The following SAMD4B variants were observed in gnomAD, a reference collection of about 807,000 sequenced individuals.
The protein encoded by SAMD4B is sterile alpha motif domain containing 4B, also known as protein Smaug homolog 2.
A neutral mutation model predicts 74.5 loss-of-function variants in SAMD4B; 5 were observed. That is an observed-to-expected ratio of 0.07 (90% CI 0.04 to 0.14). SAMD4B has a LOEUF of 0.14. Ranked by LOEUF, SAMD4B falls within the 10% of genes least tolerant of loss-of-function variation. The pLI is 1.00. For missense variants in SAMD4B, 608 were observed against 921.8 expected (o/e 0.66, Z 4.41); for synonymous variants, 373 against 374.9 (o/e 1.00, Z 0.06).
chr19:39,372,502 T>C (rs1224041409), intron 4 of SAMD4B, among the ~76,000 whole-genome samples: 1 of 152,168 alleles, frequency 6.6e-6, no homozygotes, highest in Non-Finnish European at 1.5e-5. Flanking sequence ...CAGGAAATCA[T>C]TAAAATATTT....
chr19:39,361,224 C>T (rs1002945506), intron 3 of SAMD4B, among the ~76,000 whole-genome samples: 3 of 152,082 alleles, frequency 2.0e-5, no homozygotes, highest in African/African-American at 7.2e-5. Context: ...CGGGATGGAC[C>T]AGTTAGAAAA....
chr19:39,382,131 C>CAGTCAGGA (rs1228760123), intron 12 of SAMD4B, among the ~76,000 whole-genome samples: 1 of 152,210 alleles, frequency 6.6e-6, no homozygotes, highest in East Asian at 1.9e-4. Flanking sequence ...ACTGCCAAGT[C>CAGTCAGGA]AGTCAGGAGT....
At position 39,378,464 on chromosome 19, in the gene SAMD4B, A is replaced by G. The variant is rs945735142; in HGVS notation, c.1445-40A>G. ...GAGGCTGGAACATGGCAGAGGGCAT[A>G]CTAGGGGTTAACCTCCTGCCCTTTC... On this transcript the variant is annotated intron_variant, in intron 8 of 13. Transcript: ENST00000610417. This position sits in a 1 kb window ranked among gnomAD's most constrained non-coding sequence, Gnocchi z 4.4. 1.3e-6 allele frequency: 2 copies of G among 1,580,340 alleles called. No homozygotes were observed. Among genetic ancestry groups the G allele is most frequent in the African/African-American group, 1.3e-5 (1 of 74,130 alleles).
At position 39,361,841 on chromosome 19, in the gene SAMD4B, G is replaced by A. The variant is rs539460571; in HGVS notation, c.196+4752G>A. Among the ~76,000 whole-genome samples, 105 of 152,058 alleles carry A rather than the reference G, an allele frequency of 6.9e-4. 1 individual carries two copies. The highest frequency in any genetic ancestry group is 2.4e-3 in the African/African-American group (98 of 41,474). Reference sequence around the variant, plus strand: ...CAGGAGGCTGAGGCAGGAGAATGGCGTGAACCCAGGAGGCACAGGAGCTTG... The same window carrying A: ...CAGGAGGCTGAGGCAGGAGAATGGCATGAACCCAGGAGGCACAGGAGCTTG... On this transcript the variant is annotated intron_variant, in intron 3 of 13. Coordinates refer to ENST00000610417, the MANE Select transcript of SAMD4B (RefSeq NM_001384574.2).
At chr19:39,374,518 A>G (rs1478988194) in intron 4 of SAMD4B, among the ~76,000 whole-genome samples, 1 of 152,234 alleles carries the variant, frequency 6.6e-6, no homozygotes, top group African/African-American at 2.4e-5. Flanking sequence ...CTGCTGTCAC[A>G]GGTCTTCTAT....
intron 1 of SAMD4B, chr19:39,352,382 T>G (rs1412742026): frequency 2.6e-5 from 4 of 152,098 alleles, no homozygotes; most frequent in African/African-American, 9.7e-5. Flanking sequence ...CAGGTATGTC[T>G]TCTTCTGTGT....
rs2078219279 is a variant in SAMD4B, at chr19:39,385,324, C to T, written c.*1797C>T. 1 of 390,524 alleles carries T rather than the reference C, an allele frequency of 2.6e-6. No individual in the cohort carries two copies. The highest frequency in any genetic ancestry group is 1.4e-4 in the South Asian group (1 of 7,116). The allele number at this position is 390,524 out of a possible 1,614,324, so 24.2% of individuals were successfully genotyped here. ...CATGGGACCCTCCCCTCTCCCCAGC[C>T]TGTCCTGTCTTGTTCACTCTCCATC... On this transcript the variant is annotated 3_prime_UTR_variant, in exon 14 of 14. Transcript: ENST00000610417.
intron 4 of SAMD4B, among the ~76,000 whole-genome samples, chr19:39,373,400 G>A (rs2077418172): frequency 6.6e-6 from 1 of 152,174 alleles, no homozygotes; most frequent in Non-Finnish European, 1.5e-5. Flanking sequence ...TGGGATTGCA[G>A]AAGTAATTGG....
At chr19:39,388,919 C>T, downstream of SAMD4B, 4 of 1,612,650 alleles carry the variant, frequency 2.5e-6, no homozygotes, top group Non-Finnish European at 3.4e-6. Flanking sequence ...ATAGGCTGTC[C>T]CTTTCTACCT....
chr19:39,381,157 A>C, intron 12 of SAMD4B, 44 bp downstream of exon 12: 1 of 1,535,136 alleles, frequency 6.5e-7, no homozygotes, highest in Non-Finnish European at 8.7e-7. Context: ...CAACATCCTC[A>C]GCTGACCTTT....
In SAMD4B at chr19:39,385,688, C is replaced by A. The variant is rs368164944; in HGVS notation, c.*2161C>A. ...TTATTTTGGAAAAAAAAAAAACAAA[C>A]AAAAAAAACGAATTCTGACCTTCGT... On this transcript the variant is annotated 3_prime_UTR_variant, in exon 14 of 14. Transcript: ENST00000610417. The A allele has an allele frequency of 2.5e-3, 1,308 of 515,836 alleles. 17 individuals are homozygous for A. In the East Asian group the frequency reaches 0.033, roughly 13 times the overall value. 32.0% of individuals were successfully genotyped at this position (515,836 alleles called of 1,614,324 possible). A position where few individuals can be genotyped will look rare whatever the true frequency, so the allele number is the denominator to read the frequency against.
At position 39,365,977 on chromosome 19, in the gene SAMD4B, A is replaced by C. The variant is rs192628595; in HGVS notation, c.197-3678A>C. 6.1e-3 allele frequency among the ~76,000 whole-genome samples: 924 copies of C among 152,204 alleles called. 9 individuals are homozygous for C. The highest frequency in any genetic ancestry group is 0.021 in the African/African-American group (879 of 41,516). On this transcript the variant is annotated intron_variant, in intron 3 of 13. Transcript: ENST00000610417. ...GCACTTTGGGAGGCTGAGGTGGGCA[A>C]GTCATTTGAGAGCAGGAATTTGAGA...
chr19:39,365,185 G>A (rs905809471), intron 3 of SAMD4B, among the ~76,000 whole-genome samples: 2 of 149,746 alleles, frequency 1.3e-5, no homozygotes, highest in Non-Finnish European at 3.0e-5. Context: ...GGCAGAGCTT[G>A]CAGTGAGCCG....
At chr19:39,350,343 A>T (rs1243117831) in intron 1 of SAMD4B, 1 of 152,214 alleles carries the variant, frequency 6.6e-6, no homozygotes, top group Non-Finnish European at 1.5e-5. Context: ...GCCAGGTCTG[A>T]CTAACTCCAC....
At position 39,377,831 on chromosome 19, in the gene SAMD4B, C is replaced by A; in HGVS notation, c.1444+7C>A. 6.4e-7 allele frequency: 1 copy of A among 1,568,320 alleles called. No individual in the cohort carries two copies. On this transcript the variant is annotated splice_region_variant and intron_variant, in intron 8 of 13. Coordinates refer to ENST00000610417, the MANE Select transcript of SAMD4B (RefSeq NM_001384574.2). ...ACACGGGTGATGGGCAAAGGTGAGA[C>A]CAGCCACAGCCTAGCAGGAAATCCT...
At chr19:39,371,713 G>A (rs2077309601) in intron 4 of SAMD4B, among the ~76,000 whole-genome samples, 1 of 151,930 alleles carries the variant, frequency 6.6e-6, no homozygotes, top group East Asian at 1.9e-4. Flanking sequence ...GTTACTCGGG[G>A]GGCTGAGGCA....
chr19:39,363,787 T>A (rs932938183), intron 3 of SAMD4B, among the ~76,000 whole-genome samples: 19 of 152,234 alleles, frequency 1.2e-4, no homozygotes, highest in Non-Finnish European at 2.2e-4. Flanking sequence ...TATACTCTGC[T>A]AGGACCTGAG....
At chr19:39,349,287 T>TA (rs2145239082) in intron 1 of SAMD4B, among the ~76,000 whole-genome samples, 1 of 152,260 alleles carries the variant, frequency 6.6e-6, no homozygotes, top group East Asian at 1.9e-4. Flanking sequence ...ATTACATGCC[T>TA]AAGTGAGAGA....
chr19:39,362,441 G>A lies in SAMD4B; in HGVS notation c.196+5352G>A, dbSNP rs560870621. ...CTCTCAGGCAGCTGGGAAGGTATAG[G>A]GAAGTCCTCCAGCACAGGCAGCCAG... On this transcript the variant is annotated intron_variant, in intron 3 of 13. Coordinates refer to ENST00000610417, the MANE Select transcript of SAMD4B (RefSeq NM_001384574.2). Among the ~76,000 whole-genome samples, 4 of 152,286 alleles carry A rather than the reference G, an allele frequency of 2.6e-5. No individual in the cohort carries two copies. In the South Asian group the frequency reaches 6.2e-4, roughly 24 times the overall value.
Sources: allele counts gnomAD v4.1 joint callset (sites outside exome capture counted in the v4.1 genomes callset), GRCh38; gene constraint gnomAD v4.1.1; non-coding constraint Gnocchi (gnomAD v3.1); transcripts MANE v1.5; gene names NCBI Gene and HGNC (gene_info 2026-07-23, HGNC 2026-07-21).